RPH3A: variants seen among roughly 807,000 people sequenced by gnomAD.
RPH3A encodes rabphilin 3A.
In RPH3A, 48 loss-of-function variants were observed where a neutral mutation model predicts 102.2. The observed-to-expected ratio is 0.47, with a 90% CI of 0.37 to 0.60. The LOEUF is 0.60. Ranked by LOEUF, RPH3A falls within the 20% of genes least tolerant of loss-of-function variation. The pLI is 0.00. For missense variants in RPH3A, 781 were observed against 910.1 expected, an observed-to-expected ratio of 0.86 and a Z score of 1.83; for synonymous variants, 310 against 324.3, an observed-to-expected ratio of 0.96 and a Z score of 0.47.
chr12:112,621,641 G>T (rs910038403), intron 1 of RPH3A, among the ~76,000 whole-genome samples: 1 of 151,600 alleles, frequency 6.6e-6, no homozygotes, highest in African/African-American at 2.4e-5. Context: ...AGGGGCGCCC[G>T]CCATTGCCCA....
chr12:112,704,189 A>G (rs755558177), intron 1 of RPH3A, among the ~76,000 whole-genome samples: 26 of 152,006 alleles, frequency 1.7e-4, no homozygotes, highest in Non-Finnish European at 2.5e-4. Flanking sequence ...CCCAGGTTCA[A>G]GCAATTCTCA....
chr12:112,890,196 C>G lies in RPH3A; in HGVS notation c.1620+116C>G, dbSNP rs536817708. Reference sequence around the variant, plus strand: ...TCATCCATTCTCTTCCAACCACCCCCCTGTTGATTTGCCTTGAGAACAACC... The same window carrying G: ...TCATCCATTCTCTTCCAACCACCCCGCTGTTGATTTGCCTTGAGAACAACC... On this transcript the variant is annotated intron_variant, in intron 18 of 21. Coordinates refer to ENST00000389385, the MANE Select transcript of RPH3A (RefSeq NM_001143854.2). 41 of 925,860 alleles carry G rather than the reference C, an allele frequency of 4.4e-5. No individual in the cohort carries two copies. In the East Asian group the frequency reaches 8.8e-4, roughly 20 times the overall value. 57.4% of individuals were successfully genotyped at this position (925,860 alleles called of 1,614,324 possible). A position where few individuals can be genotyped will look rare whatever the true frequency, so the allele number is the denominator to read the frequency against.
intron 1 of RPH3A, among the ~76,000 whole-genome samples, chr12:112,611,819 T>C (rs2039640895): frequency 6.6e-6 from 1 of 150,612 alleles, no homozygotes; most frequent in Admixed American, 6.7e-5. Flanking sequence ...AGCATTGTCC[T>C]AGCCAGCAAG....
intron 2 of RPH3A, among the ~76,000 whole-genome samples, chr12:112,803,882 C>T (rs2041403891): frequency 6.6e-6 from 1 of 152,084 alleles, no homozygotes; most frequent in African/African-American, 2.4e-5. Context: ...AGTTACTTGG[C>T]CTCTCTGGCC....
At chr12:112,760,959 A>T (rs548630941) in intron 1 of RPH3A, among the ~76,000 whole-genome samples, 2 of 152,316 alleles carry the variant, frequency 1.3e-5, no homozygotes, top group African/African-American at 4.8e-5. Flanking sequence ...CACTGATATG[A>T]TGAACACTGT....
intron 8 of RPH3A, chr12:112,869,541 T>A (rs1247645383): frequency 5.3e-6 from 3 of 567,836 alleles, no homozygotes; most frequent in Admixed American, 6.3e-5. Flanking sequence ...TTGTTCTTTA[T>A]AAAGCCTGTG....
At chr12:112,767,230 A>G (rs1327560758) in intron 1 of RPH3A, among the ~76,000 whole-genome samples, 2 of 152,180 alleles carry the variant, frequency 1.3e-5, no homozygotes, top group African/African-American at 2.4e-5. Context: ...TATCTAGTCC[A>G]CAGTAGAGGC....
intron 7 of RPH3A, among the ~76,000 whole-genome samples, chr12:112,867,310 G>A (rs2042628430): frequency 6.6e-6 from 1 of 151,280 alleles, no homozygotes; most frequent in Non-Finnish European, 1.5e-5. Context: ...TTTCTCCCAG[G>A]CATCCTTCTC....
chr12:112,895,399 G>A (rs2043163613), intron 20 of RPH3A: 1 of 172,604 alleles, frequency 5.8e-6, no homozygotes, highest in Admixed American at 5.7e-5. Flanking sequence ...ACCGGGCCCG[G>A]CCACTTCAAC....
chr12:112,843,905 A>G (rs2042189073), intron 4 of RPH3A, among the ~76,000 whole-genome samples: 1 of 152,160 alleles, frequency 6.6e-6, no homozygotes, highest in Admixed American at 6.5e-5. Context: ...GGTGATCTTC[A>G]TTACACAGGA....
intron 1 of RPH3A, among the ~76,000 whole-genome samples, chr12:112,640,056 C>T (rs1172305125): frequency 1.3e-5 from 2 of 151,940 alleles, no homozygotes; most frequent in South Asian, 2.1e-4. Flanking sequence ...CATGGCAGCT[C>T]ACGCCTGTAA....
intron 1 of RPH3A, among the ~76,000 whole-genome samples, chr12:112,702,866 T>G (rs1035776650): frequency 5.3e-5 from 8 of 152,252 alleles, no homozygotes; most frequent in African/African-American, 1.9e-4. Flanking sequence ...AATTCAACAG[T>G]GATGGCTTAG....
intron 1 of RPH3A, among the ~76,000 whole-genome samples, chr12:112,659,121 C>T (rs2040033165): frequency 6.6e-6 from 1 of 152,102 alleles, no homozygotes; most frequent in Non-Finnish European, 1.5e-5. Context: ...CTCCTACTGC[C>T]CCATCACCTA....
chr12:112,863,253 A>G (rs1408893435), intron 5 of RPH3A, among the ~76,000 whole-genome samples: 1 of 152,204 alleles, frequency 6.6e-6, no homozygotes, highest in Admixed American at 6.5e-5. Flanking sequence ...TCCCCGTGTC[A>G]TCTGCGTGCA....
chr12:112,841,083 C>T (rs951369322), intron 4 of RPH3A, among the ~76,000 whole-genome samples: 2 of 148,594 alleles, frequency 1.3e-5, no homozygotes, highest in African/African-American at 2.5e-5. Flanking sequence ...TGATGCACAC[C>T]TCTAGTCCCA....
intron 1 of RPH3A, among the ~76,000 whole-genome samples, chr12:112,663,059 G>GT (rs2040059601): frequency 7.1e-6 from 1 of 141,136 alleles, no homozygotes; most frequent in African/African-American, 2.7e-5. Context: ...CTAAGTGATT[G>GT]GTGTGTGTGT....
At chr12:112,727,168 C>A (rs1472641786) in intron 1 of RPH3A, among the ~76,000 whole-genome samples, 2 of 151,722 alleles carry the variant, frequency 1.3e-5, no homozygotes, top group African/African-American at 4.8e-5. Context: ...AATTTTAGAC[C>A]CTAGTATCAA....
intron 1 of RPH3A, among the ~76,000 whole-genome samples, chr12:112,656,648 C>T (rs143598161): frequency 4.4e-4 from 67 of 152,244 alleles, no homozygotes; most frequent in African/African-American, 1.6e-3. Flanking sequence ...GTTTAGCTCC[C>T]ACTTATTGGT....
chr12:112,628,798 G>T (rs1489388111), intron 1 of RPH3A, among the ~76,000 whole-genome samples: 1 of 151,796 alleles, frequency 6.6e-6, no homozygotes, highest in Non-Finnish European at 1.5e-5. Context: ...GAGAAGAGGA[G>T]CGATATGATC....
Sources: allele counts gnomAD v4.1 joint callset (sites outside exome capture counted in the v4.1 genomes callset), GRCh38; gene constraint gnomAD v4.1.1; transcripts MANE v1.5; gene names NCBI Gene and HGNC (gene_info 2026-07-23, HGNC 2026-07-21).